The following SLC44A5 variants were observed in gnomAD, a reference collection of about 807,000 sequenced individuals.
SLC44A5 encodes choline transporter-like protein 5.
Under a neutral mutation model 101.8 loss-of-function variants are expected in SLC44A5, and 57 were observed. That is an observed-to-expected ratio of 0.56 (90% confidence interval 0.45 to 0.70). The LOEUF is 0.70. SLC44A5 is among the 30% of genes least tolerant of loss of function. The probability of loss-of-function intolerance (pLI) is 0.00; values close to 1 mark genes in which losing one functional copy is unlikely to be tolerated. For synonymous variants in SLC44A5, 281 were observed against 290.9 expected, an observed-to-expected ratio of 0.97 and a Z score of 0.35; for missense variants, 737 against 853.1, an observed-to-expected ratio of 0.86 and a Z score of 1.70.
chr1:75,480,647 T>C lies in SLC44A5; in HGVS notation c.13+60788A>G, dbSNP rs1047656969. 3.7e-4 allele frequency among the ~76,000 whole-genome samples: 57 copies of C among 152,030 alleles called. 1 individual carries two copies. Among genetic ancestry groups the C allele is most frequent in the African/African-American group, 1.4e-3 (57 of 41,424 alleles). The stretch of plus-strand genomic sequence containing the variant: ...GAGCCAAATCATGAGTGAACTCCCA[T>C]TCGCAATTGCTTCAAAGAGAATAAA... On this transcript the variant is annotated intron_variant, in intron 2 of 23. Coordinates refer to ENST00000370859, the MANE Select transcript of SLC44A5 (RefSeq NM_001130058.2).
Position 75,396,565 on chromosome 1 carries a change from A to G in SLC44A5, c.52+18T>C. ...TCATGAAAGATTCTTAGCACTTAAT[A>G]CTCAGACTATGACTTACCAAAGTCC... On this transcript the variant is annotated intron_variant, in intron 3 of 23. Transcript: ENST00000370859. 4.4e-6 allele frequency: 7 copies of G among 1,597,258 alleles called. No homozygotes were observed. The highest frequency in any genetic ancestry group is 5.1e-6 in the Non-Finnish European group (6 of 1,165,440).
the SLC44A5 span, among the ~76,000 whole-genome samples, chr1:75,698,768 G>T: frequency 3.3e-5 from 5 of 152,140 alleles, no homozygotes; most frequent in African/African-American, 1.2e-4. Flanking sequence ...AAATTTAGAA[G>T]AATGTATAAC....
chr1:75,656,675 A>G, the SLC44A5 span, among the ~76,000 whole-genome samples: 1 of 152,204 alleles, frequency 6.6e-6, no homozygotes, highest in Non-Finnish European at 1.5e-5. Context: ...TAATAGACAC[A>G]TTAAAAACAA....
intron 2 of SLC44A5, among the ~76,000 whole-genome samples, chr1:75,460,029 AG>A (rs937243848): frequency 2.0e-5 from 3 of 152,196 alleles, no homozygotes; most frequent in African/African-American, 7.2e-5. Context: ...TTGTTCAGGT[AG>A]CAGGTGTTCC....
At chr1:75,248,683 A>G (rs1023459982) in intron 7 of SLC44A5, among the ~76,000 whole-genome samples, 1 of 152,096 alleles carries the variant, frequency 6.6e-6, no homozygotes. Flanking sequence ...GGTCTGTAGT[A>G]TGGTTGAGAG....
intron 2 of SLC44A5, among the ~76,000 whole-genome samples, chr1:75,447,288 C>T (rs1368506114): frequency 6.6e-6 from 1 of 152,122 alleles, no homozygotes; most frequent in Non-Finnish European, 1.5e-5. Context: ...TCACTGATTT[C>T]TATCTCTTTA....
At position 75,213,758 on chromosome 1, in the gene SLC44A5, G is replaced by A; in HGVS notation, c.1909C>T (p.Pro637Ser). Residue 637 changes from proline to serine, a missense_variant, in exon 22 of 24, where the codon CCA (proline) becomes TCA (serine). Coordinates refer to ENST00000370859, the MANE Select transcript of SLC44A5 (RefSeq NM_001130058.2). ...LAFLFFTQRL[P>S]VIAQGPASLN... Reference sequence around the variant, plus strand: ...GATGCTGGTCCTTGTGCAATCACTGGCAGTCTTTGTGTGAAGAATAGGAAG... The same window carrying A: ...GATGCTGGTCCTTGTGCAATCACTGACAGTCTTTGTGTGAAGAATAGGAAG... 6.2e-7 allele frequency: 1 copy of A among 1,612,896 alleles called. No homozygotes were observed. Among genetic ancestry groups the A allele is most frequent in the Non-Finnish European group, 8.5e-7 (1 of 1,179,134 alleles).
chr1:75,223,115 A>C lies in SLC44A5; in HGVS notation c.986-655T>G, dbSNP rs557378415. Among the ~76,000 whole-genome samples the C allele has an allele frequency of 3.3e-5, 5 of 152,342 alleles. No individual in the cohort carries two copies. The East Asian group carries it at 7.7e-4, about 23-fold the overall frequency. On this transcript the variant is annotated intron_variant, in intron 13 of 23. Transcript: ENST00000370859. ...TGCGTCAAAACCATCTTTATGTGAAATAAGTGAATCTGCAGAGAAAGAATA... is the reference window on the plus strand; with the variant it reads ...TGCGTCAAAACCATCTTTATGTGAACTAAGTGAATCTGCAGAGAAAGAATA...
At chr1:75,424,452 C>G (rs914108705) in intron 2 of SLC44A5, among the ~76,000 whole-genome samples, 4 of 152,242 alleles carry the variant, frequency 2.6e-5, no homozygotes, top group African/African-American at 9.6e-5. Flanking sequence ...ACTACAGGCA[C>G]GTGCCACTGC....
the SLC44A5 span, among the ~76,000 whole-genome samples, chr1:75,666,572 C>G: frequency 6.6e-6 from 1 of 152,174 alleles, no homozygotes; most frequent in African/African-American, 2.4e-5. Context: ...AGAGGGAATC[C>G]TCCATAACTT....
chr1:75,557,007 C>T (rs1426441313), intron 1 of SLC44A5, among the ~76,000 whole-genome samples: 1 of 152,090 alleles, frequency 6.6e-6, no homozygotes, highest in Non-Finnish European at 1.5e-5. Context: ...AGGGGTTTTA[C>T]CCAGCAGGCT....
chr1:75,491,711 A>G (rs1668433478), intron 2 of SLC44A5, among the ~76,000 whole-genome samples: 1 of 150,464 alleles, frequency 6.6e-6, no homozygotes, highest in Non-Finnish European at 1.5e-5. Flanking sequence ...GCATACATAC[A>G]CACACAAGCA....
chr1:75,576,466 A>T (rs1440427971), intron 1 of SLC44A5, among the ~76,000 whole-genome samples: 1 of 144,970 alleles, frequency 6.9e-6, no homozygotes, highest in Non-Finnish European at 1.5e-5. Context: ...GGCGCCCGCC[A>T]CCACGCCCGG....
At chr1:75,289,145 T>C (rs1653323933) in intron 5 of SLC44A5, among the ~76,000 whole-genome samples, 1 of 152,186 alleles carries the variant, frequency 6.6e-6, no homozygotes, top group Admixed American at 6.5e-5. Context: ...CATTTTCTGC[T>C]ATTAAAAGGG....
chr1:75,512,395 C>T (rs1262585496), intron 2 of SLC44A5, among the ~76,000 whole-genome samples: 1 of 152,208 alleles, frequency 6.6e-6, no homozygotes, highest in African/African-American at 2.4e-5. Context: ...ACTAGAATGA[C>T]TGACTATGCC....
At chr1:75,486,543 A>G (rs2101797012) in intron 2 of SLC44A5, among the ~76,000 whole-genome samples, 1 of 152,374 alleles carries the variant, frequency 6.6e-6, no homozygotes, top group South Asian at 2.1e-4. Flanking sequence ...TAAAGTCAAA[A>G]GTTTTGATTG....
At chr1:75,351,846 C>CAAAAAAAAAAAAAAAAAAA (rs71071942) in intron 3 of SLC44A5, among the ~76,000 whole-genome samples, 1 of 28,402 alleles carries the variant, frequency 3.5e-5, no homozygotes, top group Non-Finnish European at 5.9e-5. Context: ...CACACTTTAC[C>CAAAAAAAAAAAAAAAAAAA]AAAAAAAAAA....
upstream of SLC44A5, among the ~76,000 whole-genome samples, chr1:75,611,928 C>T (rs1419666116): frequency 6.6e-6 from 1 of 151,988 alleles, no homozygotes; most frequent in Non-Finnish European, 1.5e-5. Context: ...GTTCTGGACC[C>T]CTCAGAATCC....
intron 3 of SLC44A5, among the ~76,000 whole-genome samples, chr1:75,359,516 C>G (rs966117528): frequency 6.6e-6 from 1 of 151,980 alleles, no homozygotes; most frequent in Non-Finnish European, 1.5e-5. Context: ...GCTGGGATTA[C>G]AGGCCTGAGC....
Sources: allele counts gnomAD v4.1 joint callset (sites outside exome capture counted in the v4.1 genomes callset), GRCh38; gene constraint gnomAD v4.1.1; transcripts MANE v1.5; gene names NCBI Gene and HGNC (gene_info 2026-07-23, HGNC 2026-07-21).